Variants in DYNC2H1 observed in about 807,000 individuals in gnomAD.
DYNC2H1 encodes cytoplasmic dynein 2 heavy chain 1.
Under a neutral mutation model 570.0 loss-of-function variants are expected in DYNC2H1, and 410 were observed. The observed-to-expected ratio is 0.72, with a 90% CI of 0.66 to 0.78. The LOEUF (loss-of-function observed/expected upper bound fraction) is 0.78. Among genes scored for constraint, DYNC2H1 ranks in the 30% least tolerant of loss-of-function variants. DYNC2H1 has a pLI of 0.00. For missense variants in DYNC2H1, 4,865 were observed against 5,046.4 expected (o/e 0.96, Z 1.09); for synonymous variants, 1,688 against 1,677.6 (o/e 1.01, Z -0.15).
chr11:103,144,579 G>C (rs1219738195), intron 18 of DYNC2H1, among the ~76,000 whole-genome samples: 1 of 152,134 alleles, frequency 6.6e-6, no homozygotes, highest in Non-Finnish European at 1.5e-5. Context: ...AAAATATGAA[G>C]TTGGTTAATT....
At position 103,264,317 on chromosome 11, in the gene DYNC2H1, G is replaced by A. The variant is rs532057894; in HGVS notation, c.10695+4340G>A. ...ACCATTCCTTCTGAAACTATTCCAT[G>A]CAATAGAAAAAGAGGGACCCCTACC... On this transcript the variant is annotated intron_variant, in intron 70 of 88. Transcript: ENST00000375735. The surrounding 1 kb of genome is among the most constrained non-coding windows in gnomAD (Gnocchi z 4.8). Among the ~76,000 whole-genome samples, 4 of 152,008 alleles carry A rather than the reference G, an allele frequency of 2.6e-5. No individual in the cohort carries two copies. The highest frequency in any genetic ancestry group is 5.9e-5 in the Non-Finnish European group (4 of 67,990).
At chr11:103,111,603 C>T (rs1426345330) in intron 1 of DYNC2H1, among the ~76,000 whole-genome samples, 6 of 151,912 alleles carry the variant, frequency 3.9e-5, no homozygotes, top group African/African-American at 1.2e-4. Context: ...ACTGAAAGTT[C>T]GGATAGAATG....
rs550716263 is a variant in DYNC2H1, at chr11:103,421,602, T to A, written c.12367-14341T>A. 8.5e-5 allele frequency among the ~76,000 whole-genome samples: 13 copies of A among 152,318 alleles called. No homozygotes were observed. The South Asian group carries it at 2.1e-3, about 24-fold the overall frequency. On this transcript the variant is annotated intron_variant, in intron 84 of 88. Coordinates refer to ENST00000375735, the MANE Select transcript of DYNC2H1 (RefSeq NM_001377.3). ...GGGAATTGAACAACTTGCTCCTGAA[T>A]GACTCTTGGGTAAATAATGAAATTA...
chr11:103,457,909 A>G (rs1165138712), intron 87 of DYNC2H1, among the ~76,000 whole-genome samples: 1 of 152,198 alleles, frequency 6.6e-6, no homozygotes, highest in East Asian at 1.9e-4. Flanking sequence ...ACTTTTATAA[A>G]TAACACTTAG....
At chr11:103,436,674 C>A (rs1944074398) in intron 85 of DYNC2H1, among the ~76,000 whole-genome samples, 1 of 152,078 alleles carries the variant, frequency 6.6e-6, no homozygotes, top group African/African-American at 2.4e-5. Flanking sequence ...TAATGATCCA[C>A]AAGTCTGTTC....
chr11:103,383,319 T>C (rs1197248977), intron 83 of DYNC2H1, among the ~76,000 whole-genome samples: 1 of 152,170 alleles, frequency 6.6e-6, no homozygotes, highest in African/African-American at 2.4e-5. Flanking sequence ...GTTTGCAGAG[T>C]TAGCCCCAGC....
intron 81 of DYNC2H1, among the ~76,000 whole-genome samples, chr11:103,322,199 G>A (rs1271768900): frequency 6.6e-6 from 1 of 152,016 alleles, no homozygotes; most frequent in Admixed American, 6.5e-5. Context: ...ATGCACCTGT[G>A]GAGTTTACCT....
intron 54 of DYNC2H1, among the ~76,000 whole-genome samples, chr11:103,214,995 G>A (rs1863324771): frequency 6.6e-6 from 1 of 151,804 alleles, no homozygotes; most frequent in Admixed American, 6.6e-5. Context: ...TTTCTGTGTT[G>A]ATTTTGTATC....
chr11:103,375,244 G>T (rs1439251318), intron 83 of DYNC2H1, among the ~76,000 whole-genome samples: 1 of 152,186 alleles, frequency 6.6e-6, no homozygotes, highest in East Asian at 1.9e-4. Flanking sequence ...GATTTCAGAG[G>T]GTGTATGGTA....
intron 4 of DYNC2H1, 72 bp downstream of exon 4, chr11:103,115,367 C>T (rs1398010932): frequency 1.0e-6 from 1 of 953,280 alleles, no homozygotes; most frequent in Non-Finnish European, 1.5e-6. Context: ...TTTACAGCCT[C>T]TCTTCTGTTT....
intron 83 of DYNC2H1, among the ~76,000 whole-genome samples, chr11:103,362,986 G>T (rs752305010): frequency 6.6e-6 from 1 of 151,998 alleles, no homozygotes; most frequent in Non-Finnish European, 1.5e-5. Context: ...AGCCAAGATT[G>T]TACCACTGCA....
At chr11:103,184,669 A>G (rs571759304) in intron 40 of DYNC2H1, among the ~76,000 whole-genome samples, 12 of 152,042 alleles carry the variant, frequency 7.9e-5, no homozygotes, top group African/African-American at 2.9e-4. Context: ...CTATTTGAGG[A>G]CTGTAGCACT....
intron 54 of DYNC2H1, among the ~76,000 whole-genome samples, chr11:103,215,274 G>C (rs1041948305): frequency 6.6e-6 from 1 of 152,088 alleles, no homozygotes; most frequent in African/African-American, 2.4e-5. Flanking sequence ...AGTGTGATGT[G>C]GGCAGAGGGT....
At position 103,173,074 on chromosome 11, in the gene DYNC2H1, T is replaced by G. The variant is rs1441449750; in HGVS notation, c.5335-8T>G. The G allele has an allele frequency of 1.6e-6, 2 of 1,235,514 alleles. No homozygotes were observed. The highest frequency in any genetic ancestry group is 2.1e-6 in the Non-Finnish European group (2 of 958,242). The allele number at this position is 1,235,514 out of a possible 1,614,324, so 76.5% of individuals were successfully genotyped here. On this transcript the variant is annotated splice_region_variant and splice_polypyrimidine_tract_variant and intron_variant, in intron 34 of 88. Transcript: ENST00000375735. Reference sequence around the variant, plus strand: ...TATTTAAATTAATATTTTTAATTAATATTTCAGGTAGAAGTAAATTCTAAT... The same window carrying G: ...TATTTAAATTAATATTTTTAATTAAGATTTCAGGTAGAAGTAAATTCTAAT...
At chr11:103,372,351 G>A (rs1232112836) in intron 83 of DYNC2H1, among the ~76,000 whole-genome samples, 1 of 152,082 alleles carries the variant, frequency 6.6e-6, no homozygotes, top group Non-Finnish European at 1.5e-5. Context: ...CATTCAGTAT[G>A]ATGTTATCTG....
rs1182628986 is a variant in DYNC2H1 at position 103,261,401 on chromosome 11, G to A, written c.10695+1424G>A. Among the ~76,000 whole-genome samples the A allele has an allele frequency of 6.6e-6, 1 of 152,206 alleles. No individual in the cohort carries two copies. Among genetic ancestry groups the A allele is most frequent in the Non-Finnish European group, 1.5e-5 (1 of 68,034 alleles). On this transcript the variant is annotated intron_variant, in intron 70 of 88. Transcript: ENST00000375735. This position sits in a 1 kb window ranked among gnomAD's most constrained non-coding sequence, Gnocchi z 4.8. ...CCCTGACCCCTGTGCCTCCTGACTGGGAGACACCTCCCAGAAGGGGTCGAC... is the reference window on the plus strand; with the variant it reads ...CCCTGACCCCTGTGCCTCCTGACTGAGAGACACCTCCCAGAAGGGGTCGAC...
chr11:103,367,857 T>G lies in DYNC2H1; in HGVS notation c.12156+9498T>G, dbSNP rs117779521. ...TCCTAAGATTCCACATGAGTAAGATTATGTGGTATTTGACTTTCTGTGTTT... is the reference window on the plus strand; with the variant it reads ...TCCTAAGATTCCACATGAGTAAGATGATGTGGTATTTGACTTTCTGTGTTT... On this transcript the variant is annotated intron_variant, in intron 83 of 88. Coordinates refer to ENST00000375735, the MANE Select transcript of DYNC2H1 (RefSeq NM_001377.3). 2.7e-4 allele frequency among the ~76,000 whole-genome samples: 41 copies of G among 152,268 alleles called. No individual in the cohort carries two copies. The East Asian group carries it at 7.7e-3, about 29-fold the overall frequency.
chr11:103,286,338 G>A lies in DYNC2H1; in HGVS notation c.10974G>A (p.Glu3658=), dbSNP rs1485540623. 6 of 1,613,580 alleles carry A rather than the reference G, an allele frequency of 3.7e-6. No individual in the cohort carries two copies. In the African/African-American group the frequency reaches 4.0e-5, roughly 11 times the overall value. The change falls in exon 74 of 89, where the codon GAG becomes GAA. Residue 3658 remains glutamate (E), a synonymous_variant. Coordinates refer to ENST00000375735, the MANE Select transcript of DYNC2H1 (RefSeq NM_001377.3). ...WRTYYNNSMC[E]QEFPSILAKK... Reference sequence around the variant, plus strand: ...CTTATTATAATAATTCAATGTGTGAGCAAGAGTTTCCATCTATCCTTGCAA... The same window carrying A: ...CTTATTATAATAATTCAATGTGTGAACAAGAGTTTCCATCTATCCTTGCAA...
intron 75 of DYNC2H1, among the ~76,000 whole-genome samples, chr11:103,296,542 A>G (rs575391063): frequency 1.3e-5 from 2 of 152,328 alleles, no homozygotes; most frequent in South Asian, 4.1e-4. Flanking sequence ...AAATAGAAGC[A>G]ATAGGACAAA....
Sources: gnomAD v4.1 joint callset for allele counts (sites outside exome capture counted in the v4.1 genomes callset) on GRCh38, gnomAD v4.1.1 for gene constraint, Gnocchi (gnomAD v3.1) non-coding constraint, MANE v1.5 for transcripts, NCBI Gene and HGNC (gene_info 2026-07-23, HGNC 2026-07-21) for gene names.